The following PCDHA9 variants were observed in gnomAD, a reference collection of about 807,000 sequenced individuals.
PCDHA9 encodes the protein protocadherin alpha 9, also known as protocadherin alpha-9.
PCDHA9 carries 62 observed loss-of-function variants against 62.0 expected under a neutral mutation model. The observed-to-expected ratio is 1.00, with a 90% CI of 0.81 to 1.23. The LOEUF (loss-of-function observed/expected upper bound fraction) is 1.23. Ranked by LOEUF, PCDHA9 falls within the 50% of genes most tolerant of loss-of-function variation. The pLI, the probability that PCDHA9 is intolerant of heterozygous loss-of-function variation, is 0.00. For missense variants in PCDHA9, 1,205 were observed against 1,249.8 expected (o/e 0.96, Z 0.54); for synonymous variants, 557 against 567.6 (o/e 0.98, Z 0.27).
intron 1 of PCDHA9, among the ~76,000 whole-genome samples, chr5:140,881,030 A>G (rs959156727): frequency 6.6e-6 from 1 of 152,234 alleles, no homozygotes; most frequent in Non-Finnish European, 1.5e-5. Flanking sequence ...CCCAACAGTC[A>G]TTTCCTATAG....
intron 1 of PCDHA9, among the ~76,000 whole-genome samples, chr5:140,874,280 C>CA (rs1218640311): frequency 6.6e-6 from 1 of 152,146 alleles, no homozygotes; most frequent in Non-Finnish European, 1.5e-5. Context: ...AATAGACTTA[C>CA]AAAATCTATG....
intron 1 of PCDHA9, among the ~76,000 whole-genome samples, chr5:140,893,943 G>C (rs550475): frequency 0.54 from 81,510 of 151,914 alleles, 22,066 homozygotes; most frequent in African/African-American, 0.61. Flanking sequence ...TGTTAATTCT[G>C]CATGACTTTA....
At chr5:140,958,587 A>G (rs530889375) in intron 1 of PCDHA9, among the ~76,000 whole-genome samples, 36 of 152,292 alleles carry the variant, frequency 2.4e-4, no homozygotes, top group African/African-American at 8.2e-4. Context: ...AAATGAGCTT[A>G]TGATAATTGG....
chr5:140,872,791 G>A (rs549291235), intron 1 of PCDHA9, among the ~76,000 whole-genome samples: 1 of 152,194 alleles, frequency 6.6e-6, no homozygotes, highest in South Asian at 2.1e-4. Flanking sequence ...TATGCTAGTT[G>A]GCATTCTTCC....
intron 1 of PCDHA9, among the ~76,000 whole-genome samples, chr5:140,872,428 G>C (rs2053656212): frequency 6.6e-6 from 1 of 151,990 alleles, no homozygotes; most frequent in African/African-American, 2.4e-5. Context: ...AGAGTTCGAG[G>C]CCTGCCTGGA....
At chr5:140,890,141 C>T (rs573390664) in intron 1 of PCDHA9, among the ~76,000 whole-genome samples, 6 of 152,182 alleles carry the variant, frequency 3.9e-5, no homozygotes, top group African/African-American at 1.4e-4. Context: ...TGAAATTGGC[C>T]ATGGTAGGAG....
intron 1 of PCDHA9, among the ~76,000 whole-genome samples, chr5:140,925,577 C>T (rs931426226): frequency 2.6e-5 from 4 of 151,714 alleles, no homozygotes; most frequent in Non-Finnish European, 5.9e-5. Context: ...AGCACACCAA[C>T]ATGGCGCATG....
At chr5:140,895,590 T>C (rs1554186569) in intron 1 of PCDHA9, among the ~76,000 whole-genome samples, 2 of 152,208 alleles carry the variant, frequency 1.3e-5, no homozygotes, top group Non-Finnish European at 2.9e-5. Context: ...ATTAGATATA[T>C]AATTTGCAAA....
At chr5:140,951,289 T>C (rs546786558) in intron 1 of PCDHA9, among the ~76,000 whole-genome samples, 12 of 152,232 alleles carry the variant, frequency 7.9e-5, no homozygotes, top group Non-Finnish European at 1.3e-4. Context: ...TTTTGGATTA[T>C]ATCTTGATAT....
intron 1 of PCDHA9, chr5:140,968,189 TC>T: frequency 6.2e-7 from 1 of 1,614,034 alleles, no homozygotes; most frequent in Non-Finnish European, 8.5e-7. Context: ...GGACTCCTAT[TC>T]CATCTACATA....
chr5:140,885,924 TTATC>T lies in PCDHA9; in HGVS notation c.2394+35039_2394+35042del, dbSNP rs554293197. Among the ~76,000 whole-genome samples the T allele has an allele frequency of 1.1e-3, 168 of 152,304 alleles. 1 individual carries two copies. The highest frequency in any genetic ancestry group is 9.9e-3 in the South Asian group (48 of 4,826). ...TCTGTACCTTATAGATATTAACTGT[TTATC>T]TATTTTTTGACATTTTTAATTAAAA... On this transcript the variant is annotated intron_variant, in intron 1 of 3. Coordinates refer to ENST00000532602, the MANE Select transcript of PCDHA9 (RefSeq NM_031857.2).
chr5:140,924,910 AT>A (rs1554202346), intron 1 of PCDHA9, among the ~76,000 whole-genome samples: 33 of 63,422 alleles, frequency 5.2e-4, no homozygotes, highest in African/African-American at 1.8e-3. Context: ...AAAAAATAAA[AT>A]AAAATAAAAT....
chr5:140,887,955 CTTTT>C (rs2061644555), intron 1 of PCDHA9, among the ~76,000 whole-genome samples: 2 of 152,088 alleles, frequency 1.3e-5, no homozygotes, highest in African/African-American at 4.8e-5. Flanking sequence ...GTATAAGATT[CTTTT>C]TGTCTCTTTT....
At chr5:140,985,487 A>C (rs1554247112) in intron 3 of PCDHA9, among the ~76,000 whole-genome samples, 1 of 152,162 alleles carries the variant, frequency 6.6e-6, no homozygotes, top group Non-Finnish European at 1.5e-5. Context: ...TCCAGACTCA[A>C]ATAGAGCCTG....
chr5:140,883,817 G>A, intron 1 of PCDHA9: 1 of 1,612,636 alleles, frequency 6.2e-7, no homozygotes, highest in Non-Finnish European at 8.5e-7. Context: ...GAGCGGCAAG[G>A]TGTACGCGCT....
chr5:140,913,518 A>G (rs1375122197), intron 1 of PCDHA9, among the ~76,000 whole-genome samples: 2 of 151,902 alleles, frequency 1.3e-5, no homozygotes, highest in Non-Finnish European at 2.9e-5. Context: ...AATTTTATTT[A>G]TCTTTTCAAA....
rs1351145867 is a variant in PCDHA9, at chr5:141,012,314, G to T, written c.*2377G>T. On this transcript the variant is annotated 3_prime_UTR_variant, in exon 4 of 4. Coordinates refer to ENST00000532602, the MANE Select transcript of PCDHA9 (RefSeq NM_031857.2). ...AATTGGTGCTATTGGTATTTCCTCTGTTATTGCTAATAAATGAAAATGGTG... is the reference window on the plus strand; with the variant it reads ...AATTGGTGCTATTGGTATTTCCTCTTTTATTGCTAATAAATGAAAATGGTG... The T allele has an allele frequency of 6.5e-6, 1 of 153,728 alleles. No individual in the cohort carries two copies. The highest frequency in any genetic ancestry group is 2.4e-5 in the African/African-American group (1 of 41,440). 9.5% of individuals were successfully genotyped at this position (153,728 alleles called of 1,614,324 possible). A position where few individuals can be genotyped will look rare whatever the true frequency, so the allele number is the denominator to read the frequency against.
intron 1 of PCDHA9, among the ~76,000 whole-genome samples, chr5:140,937,615 T>TCAAAAAAAAAAAAAAAAAAAAAAAA (rs1472779704): frequency 5.3e-5 from 8 of 149,546 alleles, no homozygotes; most frequent in African/African-American, 2.0e-4. Context: ...ATACTCCATC[T>TCAAAAAAAAAAAAAAAAAAAAAAAA]AAAAAGAAAA....
At chr5:140,937,786 T>C (rs246073) in intron 1 of PCDHA9, among the ~76,000 whole-genome samples, 52,378 of 148,788 alleles carry the variant, frequency 0.35, 9,253 homozygotes, top group East Asian at 0.54. Flanking sequence ...GTGGCGGGCG[T>C]ATGTAGTCCC....
Sources: gnomAD v4.1 joint callset for allele counts (sites outside exome capture counted in the v4.1 genomes callset) on GRCh38, gnomAD v4.1.1 for gene constraint, MANE v1.5 for transcripts, NCBI Gene and HGNC (gene_info 2026-07-23, HGNC 2026-07-21) for gene names.